Variants in SAMD14 observed in about 807,000 individuals in gnomAD.
SAMD14 encodes the protein sterile alpha motif domain containing 14.
Under a neutral mutation model 46.2 loss-of-function variants are expected in SAMD14, and 27 were observed. That is an observed-to-expected ratio of 0.58 (90% CI 0.43 to 0.81). The LOEUF is 0.81. SAMD14 is among the 30% of genes least tolerant of loss of function. The pLI is 0.00. For missense variants in SAMD14, 559 were observed against 582.2 expected (o/e 0.96, Z 0.41); for synonymous variants, 241 against 254.3 (o/e 0.95, Z 0.50).
rs565240964 is a variant in SAMD14 at position 50,111,774 on chromosome 17, T to A, written c.*1119A>T. The A allele has an allele frequency of 3.3e-5, 5 of 152,416 alleles. No homozygotes were observed. The South Asian group carries it at 1.0e-3, about 32-fold the overall frequency. The allele number at this position is 152,416 out of a possible 1,614,324, so 9.4% of individuals were successfully genotyped here. A position where few individuals can be genotyped will look rare whatever the true frequency, so the allele number is the denominator to read the frequency against. On this transcript the variant is annotated 3_prime_UTR_variant, in exon 10 of 10. Transcript: ENST00000330175. ...AAGGACATTTCCTAAAAAGGACACATGCTGTCCCCAGGCTGCTGGTAAACT... is the reference window on the plus strand; with the variant it reads ...AAGGACATTTCCTAAAAAGGACACAAGCTGTCCCCAGGCTGCTGGTAAACT...
chr17:50,113,901 A>G (rs199915279), intron 9 of SAMD14, 23 bp downstream of exon 9: 4 of 1,613,566 alleles, frequency 2.5e-6, no homozygotes, highest in Non-Finnish European at 2.5e-6. Context: ...GGGCTGGGTC[A>G]TGGCCCTTCC....
chr17:50,117,052 T>C (rs1024944620), intron 4 of SAMD14, among the ~76,000 whole-genome samples: 1 of 152,168 alleles, frequency 6.6e-6, no homozygotes, highest in Non-Finnish European at 1.5e-5. Flanking sequence ...GGTCTCGCTA[T>C]GTTGCCCAGG....
At position 50,130,141 on chromosome 17, in the gene SAMD14, G is replaced by C. The variant is rs1911970284; in HGVS notation, c.-637C>G. 6.6e-6 allele frequency among the ~76,000 whole-genome samples: 1 copy of C among 152,132 alleles called. No individual in the cohort carries two copies. Among genetic ancestry groups the C allele is most frequent in the African/African-American group, 2.4e-5 (1 of 41,440 alleles). On this transcript the variant is annotated 5_prime_UTR_variant, in exon 1 of 10. Coordinates refer to ENST00000330175, the MANE Select transcript of SAMD14 (RefSeq NM_001257359.2). The surrounding 1 kb of genome is among the most constrained non-coding windows in gnomAD (Gnocchi z 4.1). ...GGAGCGGAGTTGCAGCTACTTCTCT[G>C]CCCGCGGGAGACGCGGCGCACCGGA...
rs1396557206 is a variant in SAMD14, at chr17:50,129,106, G to A, written c.-13+411C>T. Among the ~76,000 whole-genome samples the A allele has an allele frequency of 2.6e-5, 4 of 152,088 alleles. No individual in the cohort carries two copies. The highest frequency in any genetic ancestry group is 2.1e-4 in the South Asian group (1 of 4,824). ...AGGCTTGGGGTAGTCCTCAGGAGTCGGGCACCCCCTCAAAGCACTGTTGGA... is the reference window on the plus strand; with the variant it reads ...AGGCTTGGGGTAGTCCTCAGGAGTCAGGCACCCCCTCAAAGCACTGTTGGA... On this transcript the variant is annotated intron_variant, in intron 1 of 9. Coordinates refer to ENST00000330175, the MANE Select transcript of SAMD14 (RefSeq NM_001257359.2). The surrounding 1 kb of genome is among the most constrained non-coding windows in gnomAD (Gnocchi z 5.6).
Position 50,112,788 on chromosome 17 carries a change from C to G in SAMD14, c.*105G>C, listed in dbSNP as rs1322143735. 5.2e-6 allele frequency: 7 copies of G among 1,350,516 alleles called. No individual in the cohort carries two copies. In the East Asian group the frequency reaches 9.3e-5, roughly 18 times the overall value. 83.7% of individuals were successfully genotyped at this position (1,350,516 alleles called of 1,614,324 possible). Reference sequence around the variant, plus strand: ...CATGTCCCCCCTGAGAGCGTGGGACCAGGCTAGCCCAAGTGCAGCGCCCAG... The same window carrying G: ...CATGTCCCCCCTGAGAGCGTGGGACGAGGCTAGCCCAAGTGCAGCGCCCAG... On this transcript the variant is annotated 3_prime_UTR_variant, in exon 10 of 10. Transcript: ENST00000330175.
In SAMD14 at chr17:50,110,081, C is replaced by T. The variant is rs776333336; in HGVS notation, c.*2812G>A. On this transcript the variant is annotated 3_prime_UTR_variant, in exon 10 of 10. Transcript: ENST00000330175. ...AGCACGGAGCCCAAGAACACGTCCA[C>T]GTACCGCGTCAGCTAAGGGCCGCCG... is the stretch of plus-strand genomic sequence containing the variant. 8 of 1,607,294 alleles carry T rather than the reference C, an allele frequency of 5.0e-6. No individual in the cohort carries two copies. The Admixed American group carries it at 5.0e-5, about 10-fold the overall frequency.
At chr17:50,127,598 T>C (rs940350463) in intron 1 of SAMD14, among the ~76,000 whole-genome samples, 1 of 145,034 alleles carries the variant, frequency 6.9e-6, no homozygotes, top group Non-Finnish European at 1.5e-5. Context: ...CAAAACTCTG[T>C]CTCAAAAAAA....
rs1202081459 is a variant in SAMD14 at position 50,112,245 on chromosome 17, G to A, written c.*648C>T. 1 of 152,084 alleles carries A rather than the reference G, an allele frequency of 6.6e-6. No homozygotes were observed. The highest frequency in any genetic ancestry group is 1.5e-5 in the Non-Finnish European group (1 of 68,036). 9.4% of individuals were successfully genotyped at this position (152,084 alleles called of 1,614,324 possible). A position where few individuals can be genotyped will look rare whatever the true frequency, so the allele number is the denominator to read the frequency against. ...GAGGAGGGGAGAGGGAGAAGGGGAT[G>A]TTCATCCTCCCCTCTTGAGTCCTGG... On this transcript the variant is annotated 3_prime_UTR_variant, in exon 10 of 10. Transcript: ENST00000330175.
rs1911170092 is a variant in SAMD14 at position 50,115,909 on chromosome 17, G to A, written c.588-5C>T. ...GATGCTCGGCGCAGGGTGACCCTGT[G>A]GGGAGGCAGCAGGAAGTGGGGCAGG... On this transcript the variant is annotated splice_region_variant and splice_polypyrimidine_tract_variant and intron_variant, in intron 5 of 9. Transcript: ENST00000330175. The surrounding 1 kb of genome is among the most constrained non-coding windows in gnomAD (Gnocchi z 5.3). 2.5e-6 allele frequency: 4 copies of A among 1,612,990 alleles called. No individual in the cohort carries two copies. In the African/African-American group the frequency reaches 5.3e-5, roughly 21 times the overall value.
Position 50,118,575 on chromosome 17 carries a change from G to C in SAMD14, c.44-248C>G, listed in dbSNP as rs922355725. ...TGTGATGAACCCTCCTGTAGACACG[G>C]AGGAACGGCAGCCCTGTTTGGATGC... On this transcript the variant is annotated intron_variant, in intron 2 of 9. Coordinates refer to ENST00000330175, the MANE Select transcript of SAMD14 (RefSeq NM_001257359.2). Among the ~76,000 whole-genome samples the C allele has an allele frequency of 3.3e-5, 5 of 152,376 alleles. No homozygotes were observed. In the East Asian group the frequency reaches 9.6e-4, roughly 29 times the overall value.
Position 50,118,346 on chromosome 17 carries a change from G to T in SAMD14, c.44-19C>A, listed in dbSNP as rs754384281. The T allele has an allele frequency of 1.2e-6, 2 of 1,608,584 alleles. No individual in the cohort carries two copies. The highest frequency in any genetic ancestry group is 1.7e-6 in the Non-Finnish European group (2 of 1,179,898). On this transcript the variant is annotated intron_variant, in intron 2 of 9. Transcript: ENST00000330175. ...TCCAGGTCTGCGAACCGGGGGAGGG[G>T]AGCAGAGACCAGACACATGAGAGGT...
At position 50,130,000 on chromosome 17, in the gene SAMD14, G is replaced by C. The variant is rs985439291; in HGVS notation, c.-496C>G. ...GGTCCGCGGGGGTCTCCGGGGAAGG[G>C]GCGTCGGGGTGGGGGGCGCGTGGCG... is the stretch of plus-strand genomic sequence containing the variant. On this transcript the variant is annotated 5_prime_UTR_variant, in exon 1 of 10. Transcript: ENST00000330175. The surrounding 1 kb of genome is among the most constrained non-coding windows in gnomAD (Gnocchi z 5.6). 29 of 151,792 alleles carry C rather than the reference G, an allele frequency of 1.9e-4. No homozygotes were observed. The highest frequency in any genetic ancestry group is 6.8e-4 in the African/African-American group (28 of 41,450). 9.4% of individuals were successfully genotyped at this position (151,792 alleles called of 1,614,324 possible). A position where few individuals can be genotyped will look rare whatever the true frequency, so the allele number is the denominator to read the frequency against.
intron 9 of SAMD14, 159 bp from the exon 10 acceptor site, chr17:50,113,207 G>C: frequency 1.3e-6 from 1 of 760,000 alleles, no homozygotes; most frequent in South Asian, 1.9e-5. Context: ...CCATGGATCA[G>C]AACCCCCAGA....
chr17:50,113,111 C>A, intron 9 of SAMD14, 63 bp from the exon 10 acceptor site: 1 of 1,577,564 alleles, frequency 6.3e-7, no homozygotes, highest in Non-Finnish European at 8.6e-7. Flanking sequence ...GCCTCCCACG[C>A]CCAGGCTCCT....
At position 50,118,311 on chromosome 17, in the gene SAMD14, C is replaced by T; in HGVS notation, c.60G>A (p.Val20=). 1.2e-6 allele frequency: 2 copies of T among 1,613,268 alleles called. No homozygotes were observed. Among genetic ancestry groups the T allele is most frequent in the South Asian group, 1.1e-5 (1 of 91,076 alleles). Residue 20 remains valine, a synonymous_variant, in exon 3 of 10, where the codon GTG becomes GTA. Transcript: ENST00000330175. ...VDEVFDLDLA[V]PETARLDSSL... is the part of the protein sequence containing the mutation. ...TGCTGTCCAGTCTGGCCGTCTCTGG[C>T]ACAGCCAAGTCCAGGTCTGCGAACC...
In SAMD14 at chr17:50,114,281, G is replaced by A. The variant is rs368456956; in HGVS notation, c.848C>T (p.Thr283Met). ...SQESTLSDDSTPPSSSPKIPS... is the reference protein window; with the variant it reads ...SQESTLSDDSMPPSSSPKIPS... ...GATCTTGGGGCTGCTGCTGGGGGGC[G>A]TGGAGTCATCACTCAGAGTGGATTC... Residue 283 changes from threonine to methionine, a missense_variant, in exon 8 of 10, where the codon ACG becomes ATG. Transcript: ENST00000330175. 11 of 1,613,972 alleles carry A rather than the reference G, an allele frequency of 6.8e-6. No homozygotes were observed. Among genetic ancestry groups the A allele is most frequent in the African/African-American group, 2.7e-5 (2 of 74,934 alleles).
At position 50,110,115 on chromosome 17, in the gene SAMD14, C is replaced by T; in HGVS notation, c.*2778G>A. 1 of 1,579,764 alleles carries T rather than the reference C, an allele frequency of 6.3e-7. No homozygotes were observed. Among genetic ancestry groups the T allele is most frequent in the Non-Finnish European group, 8.6e-7 (1 of 1,158,376 alleles). The stretch of plus-strand genomic sequence containing the variant: ...TCAGCTAAGGGCCGCCGTGCATCTG[C>T]ACCTGAGAGGACGGACTGCCGCCTC... On this transcript the variant is annotated 3_prime_UTR_variant, in exon 10 of 10. Transcript: ENST00000330175.
rs145236170 is a variant in SAMD14, at chr17:50,112,959, G to T, written c.1188C>A (p.Ala396=). ...CCCGCTGCCGCGCAGCCTTCTCCTG[G>T]GCCTTGCGCTCCTTCTCGGCAGCTG... The part of the protein sequence containing the change: ...MAAAAEKERK[A]QEKAARQREK... Residue 396 remains alanine, a synonymous_variant, in exon 10 of 10, where the codon GCC becomes GCA. Coordinates refer to ENST00000330175, the MANE Select transcript of SAMD14 (RefSeq NM_001257359.2). 1 of 1,611,136 alleles carries T rather than the reference G, an allele frequency of 6.2e-7. No individual in the cohort carries two copies. The highest frequency in any genetic ancestry group is 8.5e-7 in the Non-Finnish European group (1 of 1,179,970).
intron 7 of SAMD14, chr17:50,114,581 C>CTGA: frequency 2.2e-6 from 1 of 462,880 alleles, no homozygotes; most frequent in South Asian, 8.6e-5. Context: ...GTGTCACTTC[C>CTGA]TACAGGCAGA....
Sources: allele counts gnomAD v4.1 joint callset (sites outside exome capture counted in the v4.1 genomes callset), GRCh38; gene constraint gnomAD v4.1.1; non-coding constraint Gnocchi (gnomAD v3.1); transcripts MANE v1.5; gene names NCBI Gene and HGNC (gene_info 2026-07-23, HGNC 2026-07-21).